JAKMIP3: variants seen among roughly 807,000 people sequenced by gnomAD.
JAKMIP3 encodes the protein janus kinase and microtubule-interacting protein 3.
In JAKMIP3, 58 loss-of-function variants were observed where a neutral mutation model predicts 118.5. The observed-to-expected ratio is 0.49, with a 90% CI of 0.40 to 0.61. JAKMIP3 has a LOEUF of 0.61. JAKMIP3 is among the 20% of genes least tolerant of loss of function. The probability of loss-of-function intolerance (pLI) is 0.00; values close to 1 mark genes in which losing one functional copy is unlikely to be tolerated. For missense variants in JAKMIP3, 950 were observed against 1,109.0 expected (o/e 0.86, Z 2.04); for synonymous variants, 486 against 451.2 (o/e 1.08, Z -0.98).
rs1331882918 is a variant in JAKMIP3, at chr10:132,180,736, T to TGTGTGTGC, written c.*1104-1620_*1104-1619insTGTGTGCG. Among the ~76,000 whole-genome samples, 138 of 11,324 alleles carry TGTGTGTGC rather than the reference T, an allele frequency of 0.012. 34 individuals are homozygous for TGTGTGTGC. In the East Asian group the frequency reaches 0.15, roughly 13 times the overall value. 7.4% of individuals were successfully genotyped at this position (11,324 alleles called of 152,430 possible). A position where few individuals can be genotyped will look rare whatever the true frequency, so the allele number is the denominator to read the frequency against. On this transcript the variant is annotated intron_variant, in intron 23 of 23. Transcript: ENST00000684848. ...GTGTGTGTGCGTGTGTGTGCGTGTGTGCGTGCGTGCGCGCGCGTGTGTGCG... is the reference window on the plus strand; with the variant it reads ...GTGTGTGTGCGTGTGTGTGCGTGTGTGTGTGTGCGCGTGCGTGCGCGCGCGTGTGTGCG...
chr10:132,123,010 G>A (rs977355713), intron 3 of JAKMIP3, among the ~76,000 whole-genome samples: 4 of 152,206 alleles, frequency 2.6e-5, no homozygotes, highest in Admixed American at 1.3e-4. Flanking sequence ...GGAACCTGGA[G>A]CCTCGGAAGG....
chr10:132,104,572 G>A (rs1476503989), intron 1 of JAKMIP3, 100 bp from the exon 2 acceptor site: 12 of 553,782 alleles, frequency 2.2e-5, no homozygotes, highest in Non-Finnish European at 2.9e-5. Flanking sequence ...ACTGCAATGA[G>A]GTGGGGGGTC....
In JAKMIP3 at chr10:132,153,031, C is replaced by G; in HGVS notation, c.2073+8C>G. The stretch of plus-strand genomic sequence containing the variant: ...CTGACCTTGGCCGAAAAGGTAACAG[C>G]AGCTGTGTGGACAGTCGGGAGAGGG... On this transcript the variant is annotated splice_region_variant and intron_variant, in intron 17 of 23. Coordinates refer to ENST00000684848, the MANE Select transcript of JAKMIP3 (RefSeq NM_001323087.2). The G allele has an allele frequency of 6.2e-7, 1 of 1,603,538 alleles. No homozygotes were observed. Among genetic ancestry groups the G allele is most frequent in the Middle Eastern group, 1.7e-4 (1 of 6,052 alleles).
intron 1 of JAKMIP3, among the ~76,000 whole-genome samples, chr10:132,078,743 T>C (rs2041274552): frequency 6.6e-6 from 1 of 152,230 alleles, no homozygotes; most frequent in African/African-American, 2.4e-5. Flanking sequence ...AGAATTGTTT[T>C]TCTGTTTGAA....
At chr10:132,158,999 G>T (rs1475979640) in intron 19 of JAKMIP3, among the ~76,000 whole-genome samples, 2 of 92,796 alleles carry the variant, frequency 2.2e-5, no homozygotes, top group Admixed American at 2.0e-4. Context: ...GTGATGCTGG[G>T]GGGGGGCCTC....
chr10:132,132,540 C>T (rs994673967), intron 3 of JAKMIP3, among the ~76,000 whole-genome samples: 27 of 152,004 alleles, frequency 1.8e-4, no homozygotes, highest in African/African-American at 4.8e-4. Flanking sequence ...GAGCACAAAG[C>T]GCCACGTTGT....
At position 132,148,007 on chromosome 10, in the gene JAKMIP3, G is replaced by A. The variant is rs758042511; in HGVS notation, c.1805G>A (p.Arg602Lys). The A allele has an allele frequency of 3.1e-6, 5 of 1,611,084 alleles. No individual in the cohort carries two copies. In the South Asian group the frequency reaches 5.5e-5, roughly 18 times the overall value. The change falls in exon 14 of 24, where the codon AGA becomes AAA. Residue 602 changes from arginine (R) to lysine (K), a missense_variant. Arg to Lys is a conservative substitution (Grantham distance 26, BLOSUM62 2). Transcript: ENST00000684848. ...CTCAGACACGAGGTGCAGGACGCCA[G>A]AGACCAAAACGAGCTGCTGGAGTTC... is the stretch of plus-strand genomic sequence containing the variant. The part of the protein sequence containing the change: ...ARLRHEVQDA[R>K]DQNELLEFRI...
intron 1 of JAKMIP3, among the ~76,000 whole-genome samples, chr10:132,037,802 T>C (rs926397778): frequency 6.6e-6 from 1 of 152,182 alleles, no homozygotes; most frequent in African/African-American, 2.4e-5. Flanking sequence ...GCATATCTGG[T>C]TTGGGCTTCA....
intron 1 of JAKMIP3, among the ~76,000 whole-genome samples, chr10:132,067,895 G>T (rs1375525648): frequency 1.4e-5 from 2 of 144,520 alleles, no homozygotes; most frequent in Non-Finnish European, 3.0e-5. Context: ...ACTGGACTGT[G>T]GGCTTCTGTG....
intron 1 of JAKMIP3, among the ~76,000 whole-genome samples, chr10:132,081,049 T>G (rs949259094): frequency 6.6e-6 from 1 of 152,242 alleles, no homozygotes; most frequent in Non-Finnish European, 1.5e-5. Context: ...AACTTTTGCC[T>G]TAATTTTTTT....
intron 23 of JAKMIP3, among the ~76,000 whole-genome samples, chr10:132,174,770 G>T (rs1032617385): frequency 1.3e-5 from 2 of 152,150 alleles, no homozygotes; most frequent in Non-Finnish European, 2.9e-5. Flanking sequence ...GTCTTCACAG[G>T]TTAGGCTGGT....
chr10:132,159,819 T>A (rs1589988064), intron 19 of JAKMIP3, among the ~76,000 whole-genome samples: 1 of 32,354 alleles, frequency 3.1e-5, no homozygotes, highest in Non-Finnish European at 5.2e-5. Context: ...TGTGTGATGC[T>A]GGGGGGCCTC....
At chr10:132,173,348 A>G (rs1346970259) in intron 23 of JAKMIP3, among the ~76,000 whole-genome samples, 1 of 150,156 alleles carries the variant, frequency 6.7e-6, no homozygotes, top group East Asian at 2.0e-4. Context: ...CACTGGCGGT[A>G]GCAGATACTT....
chr10:132,097,203 C>T (rs943029139), intron 1 of JAKMIP3, among the ~76,000 whole-genome samples: 1 of 152,190 alleles, frequency 6.6e-6, no homozygotes, highest in Admixed American at 6.5e-5. Flanking sequence ...ACCAGCTGGG[C>T]AATAAACATC....
At chr10:132,109,146 AT>A in intron 2 of JAKMIP3, among the ~76,000 whole-genome samples, 1 of 151,288 alleles carries the variant, frequency 6.6e-6, no homozygotes, top group African/African-American at 2.4e-5. Context: ...ATATATATAT[AT>A]ACACACACAT....
At chr10:132,161,081 G>A (rs1182178378) in intron 19 of JAKMIP3, among the ~76,000 whole-genome samples, 2 of 107,512 alleles carry the variant, frequency 1.9e-5, no homozygotes, top group Admixed American at 9.0e-5. Context: ...TGCTGGGGGG[G>A]CCTCTTCCTG....
At chr10:132,180,676 C>CGTGT (rs1374821205) in intron 23 of JAKMIP3, among the ~76,000 whole-genome samples, 5 of 4,578 alleles carry the variant, frequency 1.1e-3, no homozygotes, top group African/African-American at 3.3e-3. Context: ...CGTGTGTGTG[C>CGTGT]GCGCGCGTGT....
chr10:132,108,348 C>T (rs752442333), intron 2 of JAKMIP3, among the ~76,000 whole-genome samples: 3 of 103,562 alleles, frequency 2.9e-5, no homozygotes, highest in African/African-American at 6.6e-5. Flanking sequence ...CCTCTCCCAG[C>T]CCTTTCATCC....
At chr10:132,177,043 A>G (rs934794162) in intron 23 of JAKMIP3, among the ~76,000 whole-genome samples, 2 of 152,218 alleles carry the variant, frequency 1.3e-5, no homozygotes, top group African/African-American at 4.8e-5. Context: ...ACAAAATCTC[A>G]GAAACTGAAC....
Sources: allele counts gnomAD v4.1 joint callset (sites outside exome capture counted in the v4.1 genomes callset), GRCh38; gene constraint gnomAD v4.1.1; transcripts MANE v1.5; gene names NCBI Gene and HGNC (gene_info 2026-07-23, HGNC 2026-07-21).